The following ANKS1B variants were observed in gnomAD, a reference collection of about 807,000 sequenced individuals.
ANKS1B encodes ankyrin repeat and sterile alpha motif domain-containing protein 1B.
A neutral mutation model predicts 148.3 loss-of-function variants in ANKS1B; 36 were observed. The observed-to-expected ratio is 0.24, with a 90% CI of 0.19 to 0.32. ANKS1B has a LOEUF of 0.32. Ranked by LOEUF, ANKS1B falls within the 10% of genes least tolerant of loss-of-function variation. The probability of loss-of-function intolerance (pLI) is 1.00; values close to 1 mark genes in which losing one functional copy is unlikely to be tolerated. For synonymous variants in ANKS1B, 542 were observed against 560.8 expected, an observed-to-expected ratio of 0.97 and a Z score of 0.47; for missense variants, 1,157 against 1,542.6, an observed-to-expected ratio of 0.75 and a Z score of 4.19.
chr12:98,959,368 G>A lies in ANKS1B; in HGVS notation c.2778+93789C>T, dbSNP rs971395357. ...CAGATACATGACAAGCCAGTGATGGGTGGTCTGGCTTGTTATCTGGTAGAG... is the reference window on the plus strand; with the variant it reads ...CAGATACATGACAAGCCAGTGATGGATGGTCTGGCTTGTTATCTGGTAGAG... On this transcript the variant is annotated intron_variant, in intron 17 of 26. Transcript: ENST00000683438. Among the ~76,000 whole-genome samples the A allele has an allele frequency of 2.6e-5, 4 of 152,112 alleles. No homozygotes were observed. In the South Asian group the frequency reaches 8.3e-4, roughly 32 times the overall value.
chr12:98,771,213 AG>A (rs2098560784), intron 25 of ANKS1B, among the ~76,000 whole-genome samples: 1 of 152,162 alleles, frequency 6.6e-6, no homozygotes, highest in Non-Finnish European at 1.5e-5. Flanking sequence ...TCTGTAGTCC[AG>A]GCTGGAATGC....
At chr12:99,233,479 C>G (rs972227575) in intron 14 of ANKS1B, among the ~76,000 whole-genome samples, 1 of 152,126 alleles carries the variant, frequency 6.6e-6, no homozygotes, top group Non-Finnish European at 1.5e-5. Flanking sequence ...TATCACATCA[C>G]ATATCCAGCT....
intron 11 of ANKS1B, among the ~76,000 whole-genome samples, chr12:99,433,694 G>A (rs1194477048): frequency 6.6e-6 from 1 of 152,140 alleles, no homozygotes; most frequent in Non-Finnish European, 1.5e-5. Flanking sequence ...ACATGAGCCT[G>A]GAGTTCAGGG....
intron 8 of ANKS1B, among the ~76,000 whole-genome samples, chr12:99,731,590 A>C (rs1397420460): frequency 6.6e-6 from 1 of 152,104 alleles, no homozygotes; most frequent in African/African-American, 2.4e-5. Context: ...AGTCTTTTTC[A>C]AAAAATGGTT....
chr12:99,521,136 C>T (rs2096871325), intron 9 of ANKS1B, among the ~76,000 whole-genome samples: 2 of 152,146 alleles, frequency 1.3e-5, no homozygotes, highest in South Asian at 4.1e-4. Context: ...AGCTCACTTT[C>T]TTCTGCTGCT....
At chr12:99,332,103 C>T (rs2087677478) in intron 12 of ANKS1B, among the ~76,000 whole-genome samples, 1 of 151,962 alleles carries the variant, frequency 6.6e-6, no homozygotes, top group Non-Finnish European at 1.5e-5. Flanking sequence ...GAAATCCTTT[C>T]CCTCGATATG....
At chr12:99,296,068 A>T (rs1389314850) in intron 12 of ANKS1B, among the ~76,000 whole-genome samples, 1 of 152,110 alleles carries the variant, frequency 6.6e-6, no homozygotes, top group Non-Finnish European at 1.5e-5. Flanking sequence ...ACCATATCCA[A>T]TTTTTCCAGA....
chr12:98,855,900 G>A (rs75917443), intron 17 of ANKS1B, among the ~76,000 whole-genome samples: 5,001 of 152,130 alleles, frequency 0.033, 293 homozygotes, highest in African/African-American at 0.11. Flanking sequence ...CCTTAACTAC[G>A]GAGAGTGTCA....
chr12:98,890,805 C>T (rs758217948), intron 17 of ANKS1B, among the ~76,000 whole-genome samples: 2 of 152,112 alleles, frequency 1.3e-5, no homozygotes, highest in Non-Finnish European at 2.9e-5. Flanking sequence ...AAAATGGCCA[C>T]AAAACCTAGC....
intron 17 of ANKS1B, among the ~76,000 whole-genome samples, chr12:98,860,876 C>A (rs936445634): frequency 2.6e-5 from 4 of 152,026 alleles, no homozygotes; most frequent in Admixed American, 2.0e-4. Context: ...GGAACTTAAA[C>A]TAAAATTAAA....
At chr12:99,976,242 G>A (rs2095627186) in intron 1 of ANKS1B, among the ~76,000 whole-genome samples, 2 of 152,150 alleles carry the variant, frequency 1.3e-5, no homozygotes, top group South Asian at 4.1e-4. Flanking sequence ...TAGGTACTAT[G>A]CTCACTACCT....
chr12:98,836,955 C>T (rs756243540), intron 17 of ANKS1B, among the ~76,000 whole-genome samples: 4 of 152,140 alleles, frequency 2.6e-5, no homozygotes, highest in Non-Finnish European at 4.4e-5. Context: ...CAAATAACTA[C>T]ATTATCACAC....
chr12:98,797,458 T>A lies in ANKS1B; in HGVS notation c.3342+1476A>T, dbSNP rs967419211. On this transcript the variant is annotated intron_variant, in intron 22 of 26. Transcript: ENST00000683438. ...GGACACTGTAAAGACTCAGTAAATG[T>A]TAGCAGCTATCATATTATTTTTATG... 4.6e-5 allele frequency among the ~76,000 whole-genome samples: 7 copies of A among 152,310 alleles called. No homozygotes were observed. In the East Asian group the frequency reaches 1.4e-3, roughly 29 times the overall value.
intron 12 of ANKS1B, among the ~76,000 whole-genome samples, chr12:99,329,098 G>T (rs952755296): frequency 6.6e-6 from 1 of 151,916 alleles, no homozygotes; most frequent in East Asian, 1.9e-4. Context: ...GAACTATGGA[G>T]CAACTTCAAG....
intron 8 of ANKS1B, among the ~76,000 whole-genome samples, chr12:99,710,152 C>T (rs2056426211): frequency 6.6e-6 from 1 of 152,116 alleles, no homozygotes; most frequent in Admixed American, 6.5e-5. Context: ...CTTGATCCAA[C>T]AGGAATCTGA....
At chr12:98,895,099 G>A in intron 17 of ANKS1B, 12 of 982,084 alleles carry the variant, frequency 1.2e-5, no homozygotes, top group Non-Finnish European at 1.5e-5. Flanking sequence ...GAGGCGGGGG[G>A]GAGGTGTCGG....
chr12:99,944,372 G>A (rs951825707), intron 1 of ANKS1B, among the ~76,000 whole-genome samples: 7 of 152,080 alleles, frequency 4.6e-5, no homozygotes, highest in Non-Finnish European at 1.0e-4. Flanking sequence ...TCTCCTCCTG[G>A]AAGGCCTCCT....
At chr12:99,005,214 G>A (rs190715029) in intron 17 of ANKS1B, among the ~76,000 whole-genome samples, 64 of 152,320 alleles carry the variant, frequency 4.2e-4, no homozygotes, top group Middle Eastern at 6.8e-3. Flanking sequence ...ATGCGGGAGC[G>A]TAGCTGTGAT....
intron 1 of ANKS1B, among the ~76,000 whole-genome samples, chr12:99,920,014 G>A (rs1016698686): frequency 1.3e-5 from 2 of 152,090 alleles, no homozygotes; most frequent in African/African-American, 2.4e-5. Context: ...CAGCACTAAT[G>A]TGAGGTCCTA....
Sources: allele counts gnomAD v4.1 joint callset (sites outside exome capture counted in the v4.1 genomes callset), GRCh38; gene constraint gnomAD v4.1.1; transcripts MANE v1.5; gene names NCBI Gene and HGNC (gene_info 2026-07-23, HGNC 2026-07-21).